Variants in CTPS2 observed in about 807,000 individuals in gnomAD.
CTPS2 encodes the protein CTP synthase 2, also known as CTP synthase II.
CTPS2 carries 19 observed loss-of-function variants against 46.8 expected under a neutral mutation model. The observed-to-expected ratio is 0.41, with a 90% CI of 0.28 to 0.60. CTPS2 has a LOEUF of 0.60. Ranked by LOEUF, CTPS2 falls within the 20% of genes least tolerant of loss-of-function variation. CTPS2 has a pLI of 0.35. For missense variants in CTPS2, 286 were observed against 447.6 expected (o/e 0.64, Z 3.26); for synonymous variants, 151 against 165.2 (o/e 0.91, Z 0.66).
intron 17 of CTPS2, among the ~76,000 whole-genome samples, chrX:16,596,086 C>T (rs905245096): frequency 1.8e-5 from 2 of 111,405 alleles, no homozygotes; most frequent in African/African-American, 6.5e-5. Context: ...GTTGCCCAGG[C>T]TGGCCTAGAA....
rs982264061 is a variant in CTPS2 at position 16,712,272 on chromosome X, G to A, written c.-40+63C>T. ...GGGTGCAGGGCGGAGAGGCCCTGGG[G>A]ACGAGGGATGGCCCGGGCGCCGAGG... On this transcript the variant is annotated intron_variant, in intron 1 of 18. Transcript: ENST00000359276. 5 of 112,410 alleles carry A rather than the reference G, an allele frequency of 4.4e-5. No individual in the cohort carries two copies. The Admixed American group carries it at 4.6e-4, about 10-fold the overall frequency. The allele number at this position is 112,410 out of a possible 1,213,427, so 9.3% of individuals were successfully genotyped here.
At chrX:16,627,846 G>C (rs1189128943) in intron 14 of CTPS2, among the ~76,000 whole-genome samples, 1 of 111,609 alleles carries the variant, frequency 9.0e-6, no homozygotes, top group Non-Finnish European at 1.9e-5. Context: ...CCTTTTCTCA[G>C]GATTCTCAGT....
At chrX:16,664,160 G>A (rs762561193) in intron 13 of CTPS2, among the ~76,000 whole-genome samples, 11 of 112,093 alleles carry the variant, frequency 9.8e-5, no homozygotes, top group East Asian at 8.4e-4. Flanking sequence ...TTTAACGCAC[G>A]TACACACACC....
intron 13 of CTPS2, among the ~76,000 whole-genome samples, chrX:16,652,833 T>C (rs953386369): frequency 3.6e-5 from 4 of 111,912 alleles, no homozygotes; most frequent in African/African-American, 1.3e-4. Context: ...TTTACATATA[T>C]CATCACCATG....
chrX:16,635,848 C>G (rs989107040), intron 14 of CTPS2, among the ~76,000 whole-genome samples: 3 of 111,723 alleles, frequency 2.7e-5, no homozygotes, highest in African/African-American at 9.8e-5. Context: ...ATATCACATA[C>G]TTCTTGGAAA....
chrX:16,620,858 A>G (rs1271038969), intron 14 of CTPS2, among the ~76,000 whole-genome samples: 1 of 112,196 alleles, frequency 8.9e-6, no homozygotes, highest in Non-Finnish European at 1.9e-5. Flanking sequence ...TACTGGCCAC[A>G]TTCAAAATGT....
At chrX:16,708,302 T>C (rs956698196) in intron 1 of CTPS2, among the ~76,000 whole-genome samples, 10 of 111,487 alleles carry the variant, frequency 9.0e-5, no homozygotes, top group Non-Finnish European at 1.7e-4. Flanking sequence ...CTATTCAAAA[T>C]ATACATGTTC....
At chrX:16,644,330 G>T (rs776108996) in intron 13 of CTPS2, among the ~76,000 whole-genome samples, 1 of 110,605 alleles carries the variant, frequency 9.0e-6, no homozygotes, top group East Asian at 2.8e-4. Flanking sequence ...TAGAGATGGG[G>T]TTTCGCCATG....
At chrX:16,604,731 A>G (rs1389648137) in intron 17 of CTPS2, among the ~76,000 whole-genome samples, 1 of 112,376 alleles carries the variant, frequency 8.9e-6, no homozygotes, top group African/African-American at 3.2e-5. Flanking sequence ...ACTTGCAATT[A>G]CAAGCACCTT....
chrX:16,646,905 C>T (rs950384768), intron 13 of CTPS2, among the ~76,000 whole-genome samples: 2 of 111,919 alleles, frequency 1.8e-5, no homozygotes, highest in Non-Finnish European at 3.8e-5. Flanking sequence ...GATAAATAAC[C>T]TTTGCCTCTC....
At chrX:16,651,463 C>A (rs966719035) in intron 13 of CTPS2, among the ~76,000 whole-genome samples, 1 of 111,977 alleles carries the variant, frequency 8.9e-6, no homozygotes, top group African/African-American at 3.2e-5. Flanking sequence ...GGATTCAGTA[C>A]TTCTGTGCCA....
At chrX:16,618,996 C>T (rs376571259) in intron 15 of CTPS2, among the ~76,000 whole-genome samples, 48 of 112,201 alleles carry the variant, frequency 4.3e-4, no homozygotes, top group African/African-American at 1.5e-3. Flanking sequence ...TGAATGGCTA[C>T]GCTATTGCGT....
chrX:16,697,432 CTTTTTTTTTTTTTT>C (rs5901594), intron 4 of CTPS2, among the ~76,000 whole-genome samples: 1 of 59,601 alleles, frequency 1.7e-5, no homozygotes, highest in Non-Finnish European at 3.0e-5. Context: ...TCAAATACGA[CTTTTTTTTTTTTTT>C]TTTTTTTTTT....
intron 1 of CTPS2, among the ~76,000 whole-genome samples, chrX:16,710,344 A>G (rs745903057): frequency 7.2e-5 from 8 of 111,871 alleles, no homozygotes; most frequent in Non-Finnish European, 1.5e-4. Flanking sequence ...TTTCCCTTGC[A>G]TCTTTAAGGG....
At chrX:16,664,048 G>T (rs1183776079) in intron 13 of CTPS2, among the ~76,000 whole-genome samples, 2 of 111,571 alleles carry the variant, frequency 1.8e-5, no homozygotes, top group Non-Finnish European at 3.8e-5. Context: ...ATGTTAGCCA[G>T]GATGGTCTTG....
At chrX:16,703,892 G>C (rs192406270) in intron 1 of CTPS2, among the ~76,000 whole-genome samples, 10 of 108,936 alleles carry the variant, frequency 9.2e-5, no homozygotes, top group Admixed American at 8.9e-4. Flanking sequence ...TCAGACTCCA[G>C]TGTCAGACTG....
chrX:16,634,346 T>A (rs1412100611), intron 14 of CTPS2, among the ~76,000 whole-genome samples: 1 of 111,851 alleles, frequency 8.9e-6, no homozygotes, highest in Non-Finnish European at 1.9e-5. Flanking sequence ...CTTTAACAAA[T>A]CTCTCCCTCT....
rs187008672 is a variant in CTPS2 at position 16,662,611 on chromosome X, C to A, written c.1296+4903G>T. Among the ~76,000 whole-genome samples the A allele has an allele frequency of 2.4e-4, 27 of 110,774 alleles. 1 individual carries two copies. The highest frequency in any genetic ancestry group is 6.9e-4 in the African/African-American group (21 of 30,485). On this transcript the variant is annotated intron_variant, in intron 13 of 18. Transcript: ENST00000359276. ...AGCTAGAACAGCCAGAATGACCAGT[C>A]CCCACAAAGTAACTGTTATTTGCTC...
chrX:16,670,865 G>A (rs780049690), intron 10 of CTPS2, among the ~76,000 whole-genome samples, 191 bp from the exon 11 acceptor site: 1 of 111,281 alleles, frequency 9.0e-6, no homozygotes, highest in Non-Finnish European at 1.9e-5. Flanking sequence ...AAGAAATTGT[G>A]ACAATTTCTC....
Sources: gnomAD v4.1 joint callset for allele counts (sites outside exome capture counted in the v4.1 genomes callset) on GRCh38, gnomAD v4.1.1 for gene constraint, MANE v1.5 for transcripts, NCBI Gene and HGNC (gene_info 2026-07-23, HGNC 2026-07-21) for gene names.